ASTN2: variants seen among roughly 807,000 people sequenced by gnomAD.
The protein encoded by ASTN2 is astrotactin 2, also known as astrotactin-2.
A neutral mutation model predicts 139.8 loss-of-function variants in ASTN2; 54 were observed. That is an observed-to-expected ratio of 0.39 (90% confidence interval 0.31 to 0.48). The LOEUF is 0.48. Among genes scored for constraint, ASTN2 ranks in the 20% least tolerant of loss-of-function variants. ASTN2 has a pLI of 0.95. For missense variants in ASTN2, 1,565 were observed against 1,725.1 expected, an observed-to-expected ratio of 0.91 and a Z score of 1.64; for synonymous variants, 756 against 719.5, an observed-to-expected ratio of 1.05 and a Z score of -0.81.
At chr9:116,557,368 C>A (rs1433802054) in intron 19 of ASTN2, among the ~76,000 whole-genome samples, 1 of 151,594 alleles carries the variant, frequency 6.6e-6, no homozygotes, top group African/African-American at 2.4e-5. Context: ...ATCTCAGTCT[C>A]TTTTTTGTAA....
At chr9:117,229,636 G>T (rs1003268246) in intron 2 of ASTN2, among the ~76,000 whole-genome samples, 11 of 152,212 alleles carry the variant, frequency 7.2e-5, no homozygotes, top group Non-Finnish European at 1.6e-4. Context: ...ATTAGATGAA[G>T]ATGAACTTAA....
At chr9:117,030,752 A>T (rs1234215618) in intron 6 of ASTN2, among the ~76,000 whole-genome samples, 5 of 151,400 alleles carry the variant, frequency 3.3e-5, no homozygotes, top group Admixed American at 6.6e-5. Context: ...TAATGAAGAG[A>T]TTTGAAGAAA....
chr9:116,985,529 AC>A (rs1370319263), intron 7 of ASTN2, among the ~76,000 whole-genome samples: 1 of 152,140 alleles, frequency 6.6e-6, no homozygotes, highest in East Asian at 1.9e-4. Flanking sequence ...AACCCTTTCC[AC>A]TGGCCCTATT....
intron 4 of ASTN2, among the ~76,000 whole-genome samples, chr9:117,129,355 A>C (rs1447406461): frequency 6.6e-6 from 1 of 152,212 alleles, no homozygotes; most frequent in East Asian, 1.9e-4. Flanking sequence ...GATGTAAAAT[A>C]AACGACTTTC....
intron 4 of ASTN2, among the ~76,000 whole-genome samples, chr9:117,105,606 C>G (rs1399155327): frequency 2.0e-5 from 3 of 152,078 alleles, no homozygotes; most frequent in African/African-American, 7.2e-5. Flanking sequence ...GTTTAATGCA[C>G]TAGCTTTGGG....
chr9:116,430,887 A>C (rs1847476135), intron 22 of ASTN2, among the ~76,000 whole-genome samples: 1 of 152,246 alleles, frequency 6.6e-6, no homozygotes, highest in Admixed American at 6.5e-5. Context: ...TAGGCAATGG[A>C]GATCCATAAA....
chr9:116,634,589 C>CAAAAAAAAAAAAA (rs57882262), intron 17 of ASTN2, among the ~76,000 whole-genome samples: 3 of 104,238 alleles, frequency 2.9e-5, no homozygotes, highest in African/African-American at 7.9e-5. Flanking sequence ...GACTCCGTCT[C>CAAAAAAAAAAAAA]AAAAAAAAAA....
chr9:116,528,007 T>A (rs1252528985), intron 19 of ASTN2, among the ~76,000 whole-genome samples: 2 of 152,116 alleles, frequency 1.3e-5, no homozygotes, highest in Non-Finnish European at 2.9e-5. Flanking sequence ...AAACAACTAA[T>A]ACAGAAAATT....
intron 11 of ASTN2, among the ~76,000 whole-genome samples, chr9:116,838,971 C>T (rs1746459652): frequency 6.6e-6 from 1 of 152,158 alleles, no homozygotes; most frequent in African/African-American, 2.4e-5. Flanking sequence ...ACAAGGATGC[C>T]TCCAAACCTG....
At chr9:117,366,213 T>C (rs1046246015) in intron 1 of ASTN2, among the ~76,000 whole-genome samples, 2 of 152,168 alleles carry the variant, frequency 1.3e-5, no homozygotes, top group African/African-American at 4.8e-5. Context: ...GCTCAGTAGA[T>C]GTCCCAATTA....
At chr9:117,413,769 A>G (rs1307578282) in intron 1 of ASTN2, among the ~76,000 whole-genome samples, 1 of 152,152 alleles carries the variant, frequency 6.6e-6, no homozygotes, top group Non-Finnish European at 1.5e-5. Flanking sequence ...GTGAGCTGCA[A>G]GGACAAACCG....
At chr9:117,295,855 G>A in intron 1 of ASTN2, among the ~76,000 whole-genome samples, 1 of 152,118 alleles carries the variant, frequency 6.6e-6, no homozygotes, top group East Asian at 1.9e-4. Flanking sequence ...GGTGGTGGTA[G>A]GAGCATTGCA....
intron 10 of ASTN2, among the ~76,000 whole-genome samples, chr9:116,958,259 G>A (rs900145075): frequency 4.6e-5 from 7 of 152,074 alleles, no homozygotes; most frequent in Non-Finnish European, 8.8e-5. Context: ...TGGGTTGTAC[G>A]AATGTCACCA....
chr9:116,500,496 C>T (rs889453974), intron 19 of ASTN2, among the ~76,000 whole-genome samples: 1 of 152,196 alleles, frequency 6.6e-6, no homozygotes, highest in Non-Finnish European at 1.5e-5. Flanking sequence ...CTTACAGCCA[C>T]CCCCTGCAGT....
Position 116,951,366 on chromosome 9 carries a change from AAG to A in ASTN2, c.1889+23840_1889+23841del, listed in dbSNP as rs1554764503. Reference sequence around the variant, plus strand: ...AAAAAAAAAAAAAAAAAAAAAAAAAAAGATCTGTGGTTGTAGATACTGCCATG... The same window carrying A: ...AAAAAAAAAAAAAAAAAAAAAAAAAAATCTGTGGTTGTAGATACTGCCATG... On this transcript the variant is annotated intron_variant, in intron 10 of 22. Coordinates refer to ENST00000313400, the MANE Select transcript of ASTN2 (RefSeq NM_001365068.1). Among the ~76,000 whole-genome samples, 554 of 149,360 alleles carry A rather than the reference AAG, an allele frequency of 3.7e-3. 15 individuals are homozygous for A. Among genetic ancestry groups the A allele is most frequent in the African/African-American group, 0.013 (522 of 39,672 alleles).
intron 17 of ASTN2, among the ~76,000 whole-genome samples, chr9:116,622,190 C>T (rs1856194314): frequency 6.6e-6 from 1 of 152,068 alleles, no homozygotes; most frequent in Admixed American, 6.6e-5. Context: ...CTGGGGTCTC[C>T]CTTCTGAGTG....
At chr9:117,144,176 T>A (rs2132864044) in intron 3 of ASTN2, among the ~76,000 whole-genome samples, 1 of 152,146 alleles carries the variant, frequency 6.6e-6, no homozygotes, top group Middle Eastern at 3.4e-3. Context: ...CAGTGAGGGG[T>A]GGCATCTGCA....
At chr9:117,044,364 T>C (rs907026097) in intron 5 of ASTN2, among the ~76,000 whole-genome samples, 2 of 152,314 alleles carry the variant, frequency 1.3e-5, no homozygotes, top group African/African-American at 2.4e-5. Context: ...GTTTCCGAAG[T>C]CCAGGAGGAT....
chr9:117,378,516 A>T (rs1307464824), intron 1 of ASTN2, among the ~76,000 whole-genome samples: 9 of 152,312 alleles, frequency 5.9e-5, no homozygotes, highest in Non-Finnish European at 5.9e-5. Context: ...CACCATTCTC[A>T]GGGAGACATT....
Sources: gnomAD v4.1 joint callset for allele counts (sites outside exome capture counted in the v4.1 genomes callset) on GRCh38, gnomAD v4.1.1 for gene constraint, MANE v1.5 for transcripts, NCBI Gene and HGNC (gene_info 2026-07-23, HGNC 2026-07-21) for gene names.